PRDM5: variants seen among roughly 807,000 people sequenced by gnomAD.
The protein encoded by PRDM5 is PR/SET domain 5.
PRDM5 carries 56 observed loss-of-function variants against 81.2 expected under a neutral mutation model. The observed-to-expected ratio is 0.69, with a 90% CI of 0.56 to 0.86. PRDM5 has a LOEUF of 0.86. Ranked by LOEUF, PRDM5 falls within the 40% of genes least tolerant of loss-of-function variation. The probability of loss-of-function intolerance (pLI) is 0.00; values close to 1 mark genes in which losing one functional copy is unlikely to be tolerated. For synonymous variants in PRDM5, 267 were observed against 256.4 expected, an observed-to-expected ratio of 1.04 and a Z score of -0.39; for missense variants, 697 against 770.1, an observed-to-expected ratio of 0.91 and a Z score of 1.12.
chr4:120,695,009 G>A lies in PRDM5; in HGVS notation c.*102C>T. 7.4e-7 allele frequency: 1 copy of A among 1,344,058 alleles called. No homozygotes were observed. The highest frequency in any genetic ancestry group is 1.1e-6 in the Non-Finnish European group (1 of 940,818). The allele number at this position is 1,344,058 out of a possible 1,614,324, so 83.3% of individuals were successfully genotyped here. A position where few individuals can be genotyped will look rare whatever the true frequency, so the allele number is the denominator to read the frequency against. On this transcript the variant is annotated 3_prime_UTR_variant, in exon 16 of 16. Coordinates refer to ENST00000264808, the MANE Select transcript of PRDM5 (RefSeq NM_018699.4). ...TAGGCAAATAAGAACTATGAGACCA[G>A]TAAGTCACTTTTGGCTACTTCTGTT...
chr4:120,739,703 T>C (rs984612028), intron 14 of PRDM5, among the ~76,000 whole-genome samples: 1 of 151,694 alleles, frequency 6.6e-6, no homozygotes. Context: ...TCTCAAAGCC[T>C]ATCAAAATCC....
chr4:120,749,694 T>C (rs1743685531), intron 14 of PRDM5, among the ~76,000 whole-genome samples: 1 of 152,146 alleles, frequency 6.6e-6, no homozygotes, highest in Non-Finnish European at 1.5e-5. Context: ...TACCAGCTGC[T>C]GGGGGTGGAA....
At position 120,696,103 on chromosome 4, in the gene PRDM5, A is replaced by T. The variant is rs139292885; in HGVS notation, c.1729-828T>A. Among the ~76,000 whole-genome samples the T allele has an allele frequency of 3.6e-4, 55 of 152,104 alleles. No homozygotes were observed. In the East Asian group the frequency reaches 0.01, roughly 28 times the overall value. ...CCTCTTTCTTTACGGAGGAAAGAAG[A>T]TTTACATTCACAGCAATAAGAAACT... On this transcript the variant is annotated intron_variant, in intron 15 of 15. Transcript: ENST00000264808.
rs188672981 is a variant in PRDM5 at position 120,694,286 on chromosome 4, T to C, written c.*825A>G. The C allele has an allele frequency of 6.6e-6, 1 of 152,088 alleles. No individual in the cohort carries two copies. Among genetic ancestry groups the C allele is most frequent in the Non-Finnish European group, 1.5e-5 (1 of 67,992 alleles). 9.4% of individuals were successfully genotyped at this position (152,088 alleles called of 1,614,324 possible). ...AATCTATTTGGTTTCTATTTTTAAT[T>C]ATATATATTGGTATACTGTTAATTT... On this transcript the variant is annotated 3_prime_UTR_variant, in exon 16 of 16. Coordinates refer to ENST00000264808, the MANE Select transcript of PRDM5 (RefSeq NM_018699.4).
chr4:120,779,863 T>C (rs988454459), intron 12 of PRDM5, among the ~76,000 whole-genome samples: 4 of 152,068 alleles, frequency 2.6e-5, no homozygotes, highest in Non-Finnish European at 4.4e-5. Flanking sequence ...AGAGCCGAGA[T>C]GGCACCACTG....
intron 14 of PRDM5, among the ~76,000 whole-genome samples, chr4:120,738,990 C>T (rs1741513391): frequency 6.6e-6 from 1 of 152,112 alleles, no homozygotes; most frequent in Non-Finnish European, 1.5e-5. Context: ...TGGAGTCTTT[C>T]TTGCAGTTGC....
At position 120,839,973 on chromosome 4, in the gene PRDM5, C is replaced by A. The variant is rs572855419; in HGVS notation, c.300+13445G>T. On this transcript the variant is annotated intron_variant, in intron 3 of 15. Transcript: ENST00000264808. Reference sequence around the variant, plus strand: ...GGCTGTGACAGCAACCGGGCTCAGCCCCACATTGCTCTGAGATCAGAGTAG... The same window carrying A: ...GGCTGTGACAGCAACCGGGCTCAGCACCACATTGCTCTGAGATCAGAGTAG... Among the ~76,000 whole-genome samples the A allele has an allele frequency of 3.5e-4, 54 of 152,362 alleles. No homozygotes were observed. In the South Asian group the frequency reaches 9.7e-3, roughly 27 times the overall value.
intron 14 of PRDM5, among the ~76,000 whole-genome samples, chr4:120,748,675 G>A (rs967513575): frequency 1.3e-5 from 2 of 151,444 alleles, no homozygotes; most frequent in Non-Finnish European, 2.9e-5. Context: ...AAGAGGACCT[G>A]CTCCCTCCAA....
At chr4:120,905,706 C>A (rs560443148) in intron 2 of PRDM5, among the ~76,000 whole-genome samples, 2 of 152,116 alleles carry the variant, frequency 1.3e-5, no homozygotes, top group East Asian at 3.9e-4. Context: ...TATATACTAT[C>A]TCCTTGGTTC....
intron 15 of PRDM5, among the ~76,000 whole-genome samples, chr4:120,708,560 TG>T (rs1241271124): frequency 6.6e-6 from 1 of 151,870 alleles, no homozygotes; most frequent in African/African-American, 2.4e-5. Flanking sequence ...GTTAGAGAGG[TG>T]GTGCTTGTAC....
At chr4:120,791,692 C>A (rs191468483) in intron 10 of PRDM5, among the ~76,000 whole-genome samples, 2 of 152,292 alleles carry the variant, frequency 1.3e-5, no homozygotes, top group South Asian at 4.1e-4. Flanking sequence ...GCCACCCAAC[C>A]ACCACCAACT....
At chr4:120,824,916 A>G (rs889133372) in intron 3 of PRDM5, among the ~76,000 whole-genome samples, 9 of 152,194 alleles carry the variant, frequency 5.9e-5, no homozygotes, top group Admixed American at 5.2e-4. Context: ...AGTACTTTGT[A>G]TAGTCATCTT....
At position 120,710,330 on chromosome 4, in the gene PRDM5, T is replaced by C. The variant is rs1736782826; in HGVS notation, c.1707A>G (p.Gly569=). The C allele has an allele frequency of 6.2e-7, 1 of 1,613,926 alleles. No homozygotes were observed. Among genetic ancestry groups the C allele is most frequent in the Non-Finnish European group, 8.5e-7 (1 of 1,179,978 alleles). The part of the protein sequence containing the change: ...GLDEHKRTHT[G]EKPFQCDVCD... ...TCACATCACACTGAAAAGGCTTTTC[T>C]CCAGTGTGCGTCCTCTTGTGCTCAT... The change falls in exon 15 of 16, where the codon GGA becomes GGG. Residue 569 remains glycine (G), a synonymous_variant. Transcript: ENST00000264808.
intron 1 of PRDM5, among the ~76,000 whole-genome samples, chr4:120,921,105 T>G (rs1356140227): frequency 6.6e-6 from 1 of 152,196 alleles, no homozygotes; most frequent in East Asian, 1.9e-4. Flanking sequence ...AATAAAATGA[T>G]TTTTAAGATC....
rs369360976 is a variant in PRDM5, at chr4:120,735,542, A to G, written c.1623+19011T>C. ...TACCCTACTGGGGCATAAAAAAAAA[A>G]GCTGTTCACTTAAAATGCTGAGATT... On this transcript the variant is annotated intron_variant, in intron 14 of 15. Transcript: ENST00000264808. Among the ~76,000 whole-genome samples, 61 of 152,220 alleles carry G rather than the reference A, an allele frequency of 4.0e-4. 1 individual carries two copies. The highest frequency in any genetic ancestry group is 1.4e-3 in the African/African-American group (57 of 41,544).
intron 1 of PRDM5, among the ~76,000 whole-genome samples, chr4:120,907,929 A>G (rs1353275879): frequency 6.6e-6 from 1 of 152,238 alleles, no homozygotes; most frequent in African/African-American, 2.4e-5. Flanking sequence ...CAGGCAGAAA[A>G]TCACCTGGTT....
At chr4:120,845,086 C>A (rs1387535017) in intron 3 of PRDM5, among the ~76,000 whole-genome samples, 1 of 152,142 alleles carries the variant, frequency 6.6e-6, no homozygotes, top group Non-Finnish European at 1.5e-5. Flanking sequence ...AGGCTGGATG[C>A]TAGCAGAATT....
intron 14 of PRDM5, among the ~76,000 whole-genome samples, chr4:120,742,498 T>G (rs1165126515): frequency 6.6e-6 from 1 of 152,054 alleles, no homozygotes; most frequent in Non-Finnish European, 1.5e-5. Context: ...AGGAGGACAT[T>G]CAAACCAAAG....
chr4:120,802,863 CTT>C (rs1457383918), intron 8 of PRDM5, among the ~76,000 whole-genome samples: 2 of 152,202 alleles, frequency 1.3e-5, no homozygotes, highest in Non-Finnish European at 2.9e-5. Context: ...TGGAGAATGA[CTT>C]TGACGAGTTG....
Sources: gnomAD v4.1 joint callset for allele counts (sites outside exome capture counted in the v4.1 genomes callset) on GRCh38, gnomAD v4.1.1 for gene constraint, MANE v1.5 for transcripts, NCBI Gene and HGNC (gene_info 2026-07-23, HGNC 2026-07-21) for gene names.